WBP4: variants seen among roughly 807,000 people sequenced by gnomAD.
WBP4 encodes WW domain-binding protein 4.
A neutral mutation model predicts 55.4 loss-of-function variants in WBP4; 37 were observed. The ratio of observed to expected loss-of-function variants is 0.67; its 90% CI spans 0.51 to 0.88. The LOEUF is 0.88. Among genes scored for constraint, WBP4 ranks in the 40% least tolerant of loss-of-function variants. WBP4 has a pLI of 0.00. For synonymous variants in WBP4, 142 were observed against 140.2 expected (o/e 1.01, Z -0.09); for missense variants, 398 against 420.8 (o/e 0.95, Z 0.47).
intron 1 of WBP4, chr13:41,062,241 G>A: frequency 1.0e-6 from 1 of 982,110 alleles, no homozygotes; most frequent in Non-Finnish European, 1.2e-6. Flanking sequence ...GAGTAGTCTT[G>A]TACGTTGTTC....
intron 8 of WBP4, among the ~76,000 whole-genome samples, chr13:41,077,101 C>T (rs1050533428): frequency 1.3e-5 from 2 of 152,112 alleles, no homozygotes; most frequent in Non-Finnish European, 2.9e-5. Context: ...TCCAGCAGTA[C>T]ATCAGAAAGA....
chr13:41,071,494 A>G, intron 5 of WBP4, 33 bp from the exon 6 acceptor site: 7 of 1,576,920 alleles, frequency 4.4e-6, no homozygotes, highest in Non-Finnish European at 6.0e-6. Flanking sequence ...TAAAGCAAAA[A>G]GATTTTATAA....
At chr13:41,074,155 TCTC>T (rs1234320734) in intron 7 of WBP4, among the ~76,000 whole-genome samples, 1 of 151,960 alleles carries the variant, frequency 6.6e-6, no homozygotes, top group Non-Finnish European at 1.5e-5. Context: ...ATGGTCTCGA[TCTC>T]CTGACCTCGT....
chr13:41,068,545 T>A lies in WBP4; in HGVS notation c.263-16T>A, dbSNP rs768035512. ...GTAGTTACTATAGCTGCTTTACCCT[T>A]CTCTCATCTCTTTAGAAATTTTGGA... On this transcript the variant is annotated splice_polypyrimidine_tract_variant and intron_variant, in intron 4 of 9. Coordinates refer to ENST00000379487, the MANE Select transcript of WBP4 (RefSeq NM_007187.5). 6.3e-7 allele frequency: 1 copy of A among 1,577,568 alleles called. No homozygotes were observed. The highest frequency in any genetic ancestry group is 1.2e-5 in the South Asian group (1 of 83,828).
At chr13:41,079,541 C>CAAAAAAAAAAAAAAAAAAAAACAAAAA in intron 8 of WBP4, among the ~76,000 whole-genome samples, 1 of 101,698 alleles carries the variant, frequency 9.8e-6, no homozygotes. Context: ...GACTCCGTCT[C>CAAAAAAAAAAAAAAAAAAAAACAAAAA]AAAAAAAAAA....
chr13:41,074,547 GCTT>G (rs1878393062), intron 7 of WBP4, among the ~76,000 whole-genome samples: 1 of 152,152 alleles, frequency 6.6e-6, no homozygotes, highest in African/African-American at 2.4e-5. Flanking sequence ...TCAATGCACA[GCTT>G]CTTTCCTTAC....
At chr13:41,080,596 T>C in intron 8 of WBP4, 50 bp from the exon 9 acceptor site, 1 of 1,404,068 alleles carries the variant, frequency 7.1e-7, no homozygotes, top group Non-Finnish European at 9.7e-7. Flanking sequence ...TTTATTTTTG[T>C]CTTGGTAGTT....
In WBP4 at chr13:41,083,930, T is replaced by C. The variant is rs1281933392; in HGVS notation, c.*1016T>C. 6.6e-6 allele frequency: 1 copy of C among 152,194 alleles called. No individual in the cohort carries two copies. Among genetic ancestry groups the C allele is most frequent in the East Asian group, 1.9e-4 (1 of 5,202 alleles). 9.4% of individuals were successfully genotyped at this position (152,194 alleles called of 1,614,324 possible). On this transcript the variant is annotated 3_prime_UTR_variant, in exon 10 of 10. Coordinates refer to ENST00000379487, the MANE Select transcript of WBP4 (RefSeq NM_007187.5). Reference sequence around the variant, plus strand: ...CATAAATTGTATAGTATTTAACTTATAATAGTTAATATTTGTCTTTTTAAG... The same window carrying C: ...CATAAATTGTATAGTATTTAACTTACAATAGTTAATATTTGTCTTTTTAAG...
chr13:41,081,010 A>C (rs1014427567), intron 9 of WBP4, among the ~76,000 whole-genome samples: 1 of 152,078 alleles, frequency 6.6e-6, no homozygotes, highest in African/African-American at 2.4e-5. Context: ...CATCCTGGCC[A>C]ACATGGTGAA....
intron 1 of WBP4, 135 bp downstream of exon 1, chr13:41,061,810 C>A (rs149097782): frequency 4.2e-6 from 6 of 1,437,348 alleles, no homozygotes; most frequent in Non-Finnish European, 5.7e-6. Flanking sequence ...CGCTCGGGAC[C>A]GGCCCCAGAC....
chr13:41,073,972 C>T (rs1211598291), intron 7 of WBP4, among the ~76,000 whole-genome samples: 1 of 149,616 alleles, frequency 6.7e-6, no homozygotes, highest in South Asian at 2.1e-4. Context: ...TTGCTATCGT[C>T]CAGGCTGGAG....
At position 41,083,971 on chromosome 13, in the gene WBP4, A is replaced by C. The variant is rs904430024; in HGVS notation, c.*1057A>C. 1.3e-5 allele frequency: 2 copies of C among 152,226 alleles called. No individual in the cohort carries two copies. The allele number at this position is 152,226 out of a possible 1,614,324, so 9.4% of individuals were successfully genotyped here. On this transcript the variant is annotated 3_prime_UTR_variant, in exon 10 of 10. Coordinates refer to ENST00000379487, the MANE Select transcript of WBP4 (RefSeq NM_007187.5). ...TCTTTTTAAGATGACTGTACATGTA[A>C]GAAAAAAGCTTATTAAAAACTTGAT...
At chr13:41,074,177 C>T (rs1479992950) in intron 7 of WBP4, among the ~76,000 whole-genome samples, 2 of 152,058 alleles carry the variant, frequency 1.3e-5, no homozygotes, top group Non-Finnish European at 1.5e-5. Context: ...GTGATCCGCC[C>T]GCCTCGGCCT....
intron 7 of WBP4, among the ~76,000 whole-genome samples, chr13:41,075,586 G>T (rs770387624): frequency 6.6e-6 from 1 of 152,078 alleles, no homozygotes; most frequent in African/African-American, 2.4e-5. Context: ...TCGCTATGTT[G>T]CCCGGGCTGG....
At chr13:41,072,933 C>A in intron 7 of WBP4, 76 bp downstream of exon 7, 1 of 1,197,164 alleles carries the variant, frequency 8.4e-7, no homozygotes, top group Non-Finnish European at 1.2e-6. Flanking sequence ...GATTAATCAT[C>A]TGAACTTGGA....
intron 7 of WBP4, among the ~76,000 whole-genome samples, chr13:41,074,167 G>A (rs1335282738): frequency 1.3e-5 from 2 of 152,012 alleles, no homozygotes; most frequent in Non-Finnish European, 2.9e-5. Flanking sequence ...TCCTGACCTC[G>A]TGATCCGCCC....
chr13:41,068,765 A>G (rs772500101), intron 5 of WBP4, 28 bp downstream of exon 5: 1 of 1,532,352 alleles, frequency 6.5e-7, no homozygotes, highest in South Asian at 1.3e-5. Context: ...AAAACTGGTA[A>G]AGAACAGTGT....
chr13:41,064,092 A>G (rs766546672), intron 2 of WBP4, among the ~76,000 whole-genome samples: 1 of 150,846 alleles, frequency 6.6e-6, no homozygotes, highest in Non-Finnish European at 1.5e-5. Context: ...TTTCTTGCCT[A>G]TCCTTCCATT....
intron 2 of WBP4, 64 bp from the exon 3 acceptor site, chr13:41,064,952 T>C (rs1032458071): frequency 7.3e-7 from 1 of 1,373,740 alleles, no homozygotes; most frequent in African/African-American, 1.5e-5. Context: ...GAAAATTATG[T>C]TTACTATGAA....
Sources: gnomAD v4.1 joint callset for allele counts (sites outside exome capture counted in the v4.1 genomes callset) on GRCh38, gnomAD v4.1.1 for gene constraint, MANE v1.5 for transcripts, NCBI Gene and HGNC (gene_info 2026-07-23, HGNC 2026-07-21) for gene names.